GPC6: variants seen among roughly 807,000 people sequenced by gnomAD.
The protein encoded by GPC6 is glypican-6.
A neutral mutation model predicts 55.2 loss-of-function variants in GPC6; 14 were observed. That is an observed-to-expected ratio of 0.25 (90% CI 0.17 to 0.40). GPC6 has a LOEUF of 0.40. GPC6 is among the 10% of genes least tolerant of loss of function. The pLI, the probability that GPC6 is intolerant of heterozygous loss-of-function variation, is 1.00. For missense variants in GPC6, 641 were observed against 708.5 expected (o/e 0.90, Z 1.08); for synonymous variants, 278 against 259.6 (o/e 1.07, Z -0.68).
intron 2 of GPC6, among the ~76,000 whole-genome samples, chr13:93,610,561 T>C (rs1878419475): frequency 6.6e-6 from 1 of 152,150 alleles, no homozygotes; most frequent in Admixed American, 6.5e-5. Flanking sequence ...TTGGAGGATA[T>C]ACATATATAC....
At chr13:93,418,677 T>C (rs1201494496) in intron 1 of GPC6, among the ~76,000 whole-genome samples, 2 of 151,596 alleles carry the variant, frequency 1.3e-5, no homozygotes, top group East Asian at 3.9e-4. Flanking sequence ...CGTAGTATTT[T>C]ATTAATAGTG....
intron 1 of GPC6, among the ~76,000 whole-genome samples, chr13:93,325,492 T>C (rs1007480380): frequency 1.3e-5 from 2 of 151,928 alleles, no homozygotes; most frequent in Non-Finnish European, 2.9e-5. Context: ...GGCAGATGAG[T>C]GAGACAGTGA....
At chr13:94,180,630 T>G (rs1020377017) in intron 4 of GPC6, among the ~76,000 whole-genome samples, 1 of 152,174 alleles carries the variant, frequency 6.6e-6, no homozygotes, top group African/African-American at 2.4e-5. Context: ...CCCTTAGCAA[T>G]CAATGTTTAT....
At chr13:94,134,479 A>C (rs528944712) in intron 4 of GPC6, among the ~76,000 whole-genome samples, 3 of 152,328 alleles carry the variant, frequency 2.0e-5, no homozygotes, top group East Asian at 3.9e-4. Flanking sequence ...TAAATGCCTC[A>C]GTTTTGCCTA....
At position 94,406,852 on chromosome 13, in the gene GPC6, G is replaced by A. The variant is rs1341254511; in HGVS notation, c.*3635G>A. On this transcript the variant is annotated 3_prime_UTR_variant, in exon 9 of 9. Coordinates refer to ENST00000377047, the MANE Select transcript of GPC6 (RefSeq NM_005708.5). Reference sequence around the variant, plus strand: ...ATTAAACCTAGACGCATTAGGAAATGCAAGTTTTACCTAAAACTTGCAGAA... The same window carrying A: ...ATTAAACCTAGACGCATTAGGAAATACAAGTTTTACCTAAAACTTGCAGAA... 2 of 152,060 alleles carry A rather than the reference G, an allele frequency of 1.3e-5. No homozygotes were observed. Among genetic ancestry groups the A allele is most frequent in the African/African-American group, 2.4e-5 (1 of 41,434 alleles). The allele number at this position is 152,060 out of a possible 1,614,324, so 9.4% of individuals were successfully genotyped here.
chr13:93,293,250 A>T (rs923899351), intron 1 of GPC6, among the ~76,000 whole-genome samples: 4 of 152,130 alleles, frequency 2.6e-5, no homozygotes, highest in African/African-American at 7.2e-5. Context: ...GGGGGAAAAA[A>T]ACAATTAAAA....
At chr13:93,524,704 T>A (rs891646691) in intron 1 of GPC6, among the ~76,000 whole-genome samples, 1 of 152,106 alleles carries the variant, frequency 6.6e-6, no homozygotes, top group Admixed American at 6.6e-5. Context: ...ATCGTTATGT[T>A]TGAAGCTGGA....
chr13:94,058,855 T>C (rs972984952), intron 4 of GPC6, among the ~76,000 whole-genome samples: 1 of 152,164 alleles, frequency 6.6e-6, no homozygotes, highest in Non-Finnish European at 1.5e-5. Context: ...ATACGTTAGG[T>C]TCCAATAAGT....
intron 1 of GPC6, among the ~76,000 whole-genome samples, chr13:93,303,875 T>G (rs1223366056): frequency 6.7e-6 from 1 of 149,250 alleles, no homozygotes; most frequent in Non-Finnish European, 1.5e-5. Flanking sequence ...AGATACTATT[T>G]TTTTTTTTTT....
chr13:93,912,559 C>G (rs563380466), intron 3 of GPC6, among the ~76,000 whole-genome samples: 1 of 151,912 alleles, frequency 6.6e-6, no homozygotes, highest in African/African-American at 2.4e-5. Flanking sequence ...CTGGCTAACA[C>G]GGTGAAACCC....
At chr13:93,951,552 G>A (rs1434125648) in intron 3 of GPC6, among the ~76,000 whole-genome samples, 1 of 152,072 alleles carries the variant, frequency 6.6e-6, no homozygotes. Context: ...CTATTTTGCT[G>A]ATAACCAGTA....
At chr13:93,651,266 T>C (rs1880397325) in intron 2 of GPC6, among the ~76,000 whole-genome samples, 1 of 152,090 alleles carries the variant, frequency 6.6e-6, no homozygotes, top group African/African-American at 2.4e-5. Flanking sequence ...TTTTTTTTCA[T>C]TTTTCATTTC....
intron 2 of GPC6, among the ~76,000 whole-genome samples, chr13:93,558,726 A>C (rs1875604898): frequency 6.6e-6 from 1 of 152,112 alleles, no homozygotes; most frequent in Non-Finnish European, 1.5e-5. Context: ...GTGGAGTTTG[A>C]AGTTATGGAG....
chr13:93,659,066 A>C (rs1216116585), intron 2 of GPC6, among the ~76,000 whole-genome samples: 3 of 151,684 alleles, frequency 2.0e-5, no homozygotes, highest in Non-Finnish European at 4.4e-5. Flanking sequence ...GGCTTTTCAG[A>C]TTTTCTGTCT....
intron 4 of GPC6, among the ~76,000 whole-genome samples, chr13:94,246,342 T>C (rs1047273037): frequency 1.2e-4 from 18 of 152,062 alleles, no homozygotes; most frequent in African/African-American, 4.1e-4. Context: ...TTCTTTACAG[T>C]GTATAAGGTT....
chr13:93,368,338 TTCC>T (rs1410612142), intron 1 of GPC6, among the ~76,000 whole-genome samples: 14 of 27,088 alleles, frequency 5.2e-4, no homozygotes, highest in Non-Finnish European at 8.2e-4. Context: ...CCTCCCTGCT[TTCC>T]TTCCTTCCTT....
At chr13:93,519,883 G>T (rs897270152) in intron 1 of GPC6, among the ~76,000 whole-genome samples, 10 of 151,938 alleles carry the variant, frequency 6.6e-5, no homozygotes, top group African/African-American at 2.4e-4. Flanking sequence ...CTTTGCTATG[G>T]TTTTTTATAA....
intron 6 of GPC6, among the ~76,000 whole-genome samples, chr13:94,319,900 A>T (rs192426426): frequency 6.6e-6 from 1 of 152,032 alleles, no homozygotes; most frequent in Non-Finnish European, 1.5e-5. Context: ...CCTGAATTTC[A>T]TGATTGGTTT....
In GPC6 at chr13:93,327,727, C is replaced by T. The variant is rs200778919; in HGVS notation, c.160+100111C>T. The stretch of plus-strand genomic sequence containing the variant: ...AAAACATTCTCATGTAGACAGCATT[C>T]TTAGTGAAGTGCTTCAAATTAAAAT... On this transcript the variant is annotated intron_variant, in intron 1 of 8. Coordinates refer to ENST00000377047, the MANE Select transcript of GPC6 (RefSeq NM_005708.5). Among the ~76,000 whole-genome samples, 39 of 151,746 alleles carry T rather than the reference C, an allele frequency of 2.6e-4. No homozygotes were observed. In the East Asian group the frequency reaches 7.0e-3, roughly 27 times the overall value.
Sources: gnomAD v4.1 joint callset for allele counts (sites outside exome capture counted in the v4.1 genomes callset) on GRCh38, gnomAD v4.1.1 for gene constraint, MANE v1.5 for transcripts, NCBI Gene and HGNC (gene_info 2026-07-23, HGNC 2026-07-21) for gene names.